ARPC1B: variants seen among roughly 807,000 people sequenced by gnomAD.
ARPC1B encodes the protein actin related protein 2/3 complex subunit 1B, also known as actin-related protein 2/3 complex subunit 1B.
In ARPC1B, 29 loss-of-function variants were observed where a neutral mutation model predicts 46.0. The observed-to-expected ratio is 0.63, with a 90% confidence interval of 0.47 to 0.86. The LOEUF (loss-of-function observed/expected upper bound fraction) is 0.86, where lower values mean the gene tolerates loss of function less well. Among genes scored for constraint, ARPC1B ranks in the 40% least tolerant of loss-of-function variants. The pLI is 0.00. For synonymous variants in ARPC1B, 201 were observed against 213.9 expected, an observed-to-expected ratio of 0.94 and a Z score of 0.53; for missense variants, 469 against 529.4, an observed-to-expected ratio of 0.89 and a Z score of 1.12.
intron 5 of ARPC1B, 56 bp downstream of exon 5, chr7:99,390,068 C>T: frequency 1.3e-6 from 2 of 1,497,498 alleles, no homozygotes; most frequent in Non-Finnish European, 1.9e-6. Context: ...CTGCTGACAT[C>T]ATAGCGGGGA....
intron 7 of ARPC1B, 75 bp downstream of exon 7, chr7:99,391,328 T>G: frequency 7.1e-7 from 1 of 1,410,896 alleles, no homozygotes; most frequent in Non-Finnish European, 9.9e-7. Context: ...TCTCATCTCC[T>G]CCCTCCTTTC....
At chr7:99,385,611 G>A in intron 1 of ARPC1B, 91 bp from the exon 2 acceptor site, 1 of 1,137,084 alleles carries the variant, frequency 8.8e-7, no homozygotes, top group Non-Finnish European at 1.3e-6. Flanking sequence ...CCTGGTGTGA[G>A]GCCTGTGAGG....
intron 1 of ARPC1B, among the ~76,000 whole-genome samples, chr7:99,379,256 C>T (rs954396192): frequency 6.6e-6 from 1 of 152,116 alleles, no homozygotes; most frequent in Non-Finnish European, 1.5e-5. Flanking sequence ...GATGACTAAC[C>T]GGTGCTTTAA....
intron 1 of ARPC1B, among the ~76,000 whole-genome samples, chr7:99,375,123 T>G (rs1216590863): frequency 1.3e-5 from 2 of 151,744 alleles, no homozygotes; most frequent in Admixed American, 6.5e-5. Context: ...CCTCGGGGCG[T>G]CCCCAGCCCC....
chr7:99,376,857 C>T (rs573246295), intron 1 of ARPC1B, among the ~76,000 whole-genome samples: 23 of 142,650 alleles, frequency 1.6e-4, no homozygotes, highest in South Asian at 2.2e-4. Flanking sequence ...GGTTACAAAG[C>T]GAGACTCTGT....
chr7:99,384,436 A>G (rs1794317844), intron 1 of ARPC1B, among the ~76,000 whole-genome samples: 1 of 152,160 alleles, frequency 6.6e-6, no homozygotes, highest in East Asian at 1.9e-4. Context: ...AACAAATCAA[A>G]AATTAGTTGG....
At chr7:99,394,190 G>A in intron 9 of ARPC1B, 71 bp downstream of exon 9, 2 of 1,510,154 alleles carry the variant, frequency 1.3e-6, no homozygotes, top group Non-Finnish European at 1.8e-6. Context: ...CCCACTCCCT[G>A]GAGATGACCC....
intron 4 of ARPC1B, chr7:99,388,892 A>T (rs573196259): frequency 6.6e-6 from 1 of 151,074 alleles, no homozygotes; most frequent in Admixed American, 6.6e-5. Flanking sequence ...CGGCCTCCCA[A>T]AGTGTTGGGA....
At chr7:99,394,398 G>A in intron 9 of ARPC1B, 53 bp from the exon 10 acceptor site, 1 of 1,466,956 alleles carries the variant, frequency 6.8e-7, no homozygotes, top group Non-Finnish European at 9.5e-7. Flanking sequence ...CCCTGGGAGT[G>A]GGGTGCCTGC....
rs568880831 is a variant in ARPC1B at position 99,394,553 on chromosome 7, C to T, written c.*64C>T. On this transcript the variant is annotated 3_prime_UTR_variant, in exon 10 of 10. Coordinates refer to ENST00000646101, the MANE Select transcript of ARPC1B (RefSeq NM_005720.4). Reference sequence around the variant, plus strand: ...GAAGCGGGGAGAGGGGTCAGGGAGGCTAATGGTTGCTTTGCTGAATGTTTC... The same window carrying T: ...GAAGCGGGGAGAGGGGTCAGGGAGGTTAATGGTTGCTTTGCTGAATGTTTC... 6.2e-7 allele frequency: 1 copy of T among 1,611,806 alleles called. No homozygotes were observed. The highest frequency in any genetic ancestry group is 1.3e-5 in the African/African-American group (1 of 74,984).
At chr7:99,387,773 A>G (rs2404323) in intron 3 of ARPC1B, among the ~76,000 whole-genome samples, 51,621 of 145,238 alleles carry the variant, frequency 0.36, 15,909 homozygotes, top group African/African-American at 0.84. Context: ...GGTGGTACAC[A>G]CCTGTAGTCC....
At chr7:99,384,860 C>CTT (rs1245581099) in intron 1 of ARPC1B, among the ~76,000 whole-genome samples, 17 of 101,202 alleles carry the variant, frequency 1.7e-4, no homozygotes, top group African/African-American at 5.5e-4. Flanking sequence ...TACTTCATTT[C>CTT]TTTTTTTTTT....
intron 2 of ARPC1B, chr7:99,386,344 G>C: frequency 2.1e-6 from 1 of 466,800 alleles, no homozygotes; most frequent in Non-Finnish European, 4.1e-6. Flanking sequence ...CAGAGACCCA[G>C]AGGGGGAGAG....
chr7:99,382,267 G>A (rs548000574), intron 1 of ARPC1B, among the ~76,000 whole-genome samples: 2 of 152,004 alleles, frequency 1.3e-5, no homozygotes, highest in South Asian at 4.1e-4. Flanking sequence ...GTGAAACCCT[G>A]TCTCTACTAA....
intron 5 of ARPC1B, among the ~76,000 whole-genome samples, chr7:99,390,500 C>G (rs1372211382): frequency 3.9e-5 from 6 of 152,094 alleles, no homozygotes; most frequent in African/African-American, 1.4e-4. Context: ...CCTTAGCCTC[C>G]TGAGTAGCTG....
intron 1 of ARPC1B, among the ~76,000 whole-genome samples, chr7:99,376,980 T>C (rs900526699): frequency 6.6e-6 from 1 of 152,212 alleles, no homozygotes; most frequent in Non-Finnish European, 1.5e-5. Context: ...AGTTTGTTTC[T>C]TACATATGTC....
intron 1 of ARPC1B, among the ~76,000 whole-genome samples, chr7:99,378,133 C>G (rs1235538281): frequency 6.6e-6 from 1 of 152,068 alleles, no homozygotes; most frequent in Non-Finnish European, 1.5e-5. Flanking sequence ...GATCTCGGCT[C>G]ACTGCAACCT....
chr7:99,378,226 ATT>A (rs557812870), intron 1 of ARPC1B, among the ~76,000 whole-genome samples: 9 of 138,542 alleles, frequency 6.5e-5, no homozygotes, highest in African/African-American at 1.1e-4. Flanking sequence ...CATCCCGCTA[ATT>A]TTTTTTTTTT....
chr7:99,390,161 GTTCTA>G (rs1393088190), intron 5 of ARPC1B, 149 bp downstream of exon 5: 1 of 672,496 alleles, frequency 1.5e-6, no homozygotes, highest in Non-Finnish European at 2.5e-6. Flanking sequence ...TCGGTTGAAG[GTTCTA>G]GTTCCTGGGG....
Sources: allele counts gnomAD v4.1 joint callset (sites outside exome capture counted in the v4.1 genomes callset), GRCh38; gene constraint gnomAD v4.1.1; transcripts MANE v1.5; gene names NCBI Gene and HGNC (gene_info 2026-07-23, HGNC 2026-07-21).